MBOAT1: variants seen among roughly 807,000 people sequenced by gnomAD.
The protein encoded by MBOAT1 is membrane bound glycerophospholipid O-acyltransferase 1, also known as membrane-bound glycerophospholipid O-acyltransferase 1.
A neutral mutation model predicts 64.4 loss-of-function variants in MBOAT1; 67 were observed. The ratio of observed to expected loss-of-function variants is 1.04; its 90% CI spans 0.85 to 1.27. The LOEUF (loss-of-function observed/expected upper bound fraction) is 1.27, where lower values mean the gene tolerates loss of function less well. MBOAT1 is among the 50% of genes most tolerant of loss of function. The probability of loss-of-function intolerance (pLI) is 0.00; values close to 1 mark genes in which losing one functional copy is unlikely to be tolerated. For missense variants in MBOAT1, 563 were observed against 604.6 expected, an observed-to-expected ratio of 0.93 and a Z score of 0.72; for synonymous variants, 229 against 218.9, an observed-to-expected ratio of 1.05 and a Z score of -0.41.
intron 1 of MBOAT1, among the ~76,000 whole-genome samples, chr6:20,178,828 A>G (rs1227417103): frequency 2.6e-5 from 4 of 152,204 alleles, no homozygotes; most frequent in African/African-American, 9.7e-5. Flanking sequence ...GAGACGATTC[A>G]TCTAGTCCCT....
intron 1 of MBOAT1, among the ~76,000 whole-genome samples, chr6:20,177,784 AAAAAAAAC>A (rs1561777385): frequency 2.1e-5 from 3 of 145,612 alleles, no homozygotes; most frequent in Admixed American, 7.1e-5. Context: ...AAAAAAAAAA[AAAAAAAAC>A]AAAAAACTTG....
At chr6:20,174,573 G>A (rs1365161480) in intron 1 of MBOAT1, among the ~76,000 whole-genome samples, 1 of 152,182 alleles carries the variant, frequency 6.6e-6, no homozygotes, top group African/African-American at 2.4e-5. Flanking sequence ...TGAGAGGGTG[G>A]TGAGCCTAGG....
intron 1 of MBOAT1, among the ~76,000 whole-genome samples, chr6:20,210,940 T>TGGG (rs57810078): frequency 3.3e-5 from 5 of 152,070 alleles, no homozygotes; most frequent in African/African-American, 1.2e-4. Context: ...CGCCTCTGCC[T>TGGG]GGGTCCCTGG....
chr6:20,192,995 C>CTTTCTTTTTT, intron 1 of MBOAT1, among the ~76,000 whole-genome samples: 1 of 55,048 alleles, frequency 1.8e-5, no homozygotes, highest in Non-Finnish European at 3.4e-5. Context: ...GCTATAATTT[C>CTTTCTTTTTT]TTTTTTTTTT....
In MBOAT1 at chr6:20,125,931, A is replaced by G. The variant is rs756524181; in HGVS notation, c.714+586T>C. The G allele has an allele frequency of 1.4e-4, 60 of 424,050 alleles. 1 individual carries two copies. Among genetic ancestry groups the G allele is most frequent in the South Asian group, 1.0e-3 (58 of 57,726 alleles). 26.3% of individuals were successfully genotyped at this position (424,050 alleles called of 1,614,324 possible). On this transcript the variant is annotated intron_variant, in intron 7 of 12. Transcript: ENST00000324607. ...CTTAAATATAGGATATTTGACCTGA[A>G]TAAATTGAGCATATTTGTAAAGTTC...
intron 12 of MBOAT1, among the ~76,000 whole-genome samples, chr6:20,106,558 G>A (rs1184069891): frequency 6.6e-6 from 1 of 152,110 alleles, no homozygotes; most frequent in Non-Finnish European, 1.5e-5. Context: ...GAGTAGCTGG[G>A]ACTACAGGCA....
intron 1 of MBOAT1, among the ~76,000 whole-genome samples, chr6:20,199,034 T>C (rs1286878447): frequency 2.0e-5 from 3 of 152,330 alleles, no homozygotes; most frequent in Non-Finnish European, 4.4e-5. Context: ...AATGTTCGAA[T>C]CCTCTTCAAA....
Position 20,204,727 on chromosome 6 carries a change from G to C in MBOAT1, c.99+7409C>G, listed in dbSNP as rs139700392. Among the ~76,000 whole-genome samples the C allele has an allele frequency of 1.3e-3, 196 of 152,310 alleles. No homozygotes were observed. In the Middle Eastern group the frequency reaches 0.014, roughly 11 times the overall value. On this transcript the variant is annotated intron_variant, in intron 1 of 12. Transcript: ENST00000324607. ...AAAGACACACTGTGTTTGAGGGATA[G>C]GAAGTAAAGAGTTCACTGTGCTGAA...
intron 1 of MBOAT1, among the ~76,000 whole-genome samples, chr6:20,200,861 C>T (rs758008063): frequency 1.3e-5 from 2 of 152,114 alleles, no homozygotes; most frequent in Non-Finnish European, 2.9e-5. Flanking sequence ...GCTGCTTGAA[C>T]CTTGAAGGGT....
chr6:20,152,816 T>C (rs768002249), intron 1 of MBOAT1, 47 bp from the exon 2 acceptor site: 29 of 1,552,336 alleles, frequency 1.9e-5, no homozygotes, highest in Admixed American at 5.6e-5. Context: ...GAATTTCGTC[T>C]TGGTTTTTTT....
intron 1 of MBOAT1, among the ~76,000 whole-genome samples, chr6:20,202,711 T>A (rs1350457158): frequency 6.6e-6 from 1 of 152,200 alleles, no homozygotes; most frequent in African/African-American, 2.4e-5. Flanking sequence ...AGTTATCTTT[T>A]AATAAAGCAC....
intron 1 of MBOAT1, among the ~76,000 whole-genome samples, chr6:20,169,996 A>G (rs1267792778): frequency 6.6e-6 from 1 of 152,154 alleles, no homozygotes; most frequent in African/African-American, 2.4e-5. Flanking sequence ...ATCTCTTGGC[A>G]GCCTCTGACA....
chr6:20,212,097 T>G, intron 1 of MBOAT1, 39 bp downstream of exon 1: 1 of 1,589,398 alleles, frequency 6.3e-7, no homozygotes, highest in Non-Finnish European at 8.6e-7. Flanking sequence ...ACGCGATCGC[T>G]GGGGAGCTGG....
At chr6:20,120,006 C>CCT (rs1554116218) in intron 8 of MBOAT1, among the ~76,000 whole-genome samples, 2 of 150,628 alleles carry the variant, frequency 1.3e-5, no homozygotes, top group African/African-American at 4.9e-5. Context: ...TGTGTGTGTG[C>CCT]GTGTGTGTGT....
At chr6:20,125,824 G>C (rs1657087584) in intron 7 of MBOAT1, 1 of 406,664 alleles carries the variant, frequency 2.5e-6, no homozygotes, top group Admixed American at 3.3e-5. Flanking sequence ...GGCGTTAGCA[G>C]TTTCAAAATG....
chr6:20,206,579 C>G (rs1466952028), intron 1 of MBOAT1, among the ~76,000 whole-genome samples: 6 of 152,234 alleles, frequency 3.9e-5, no homozygotes, highest in Admixed American at 3.3e-4. Context: ...GAGGCATGGG[C>G]TGAGTGCATG....
intron 1 of MBOAT1, among the ~76,000 whole-genome samples, chr6:20,202,351 C>CATTTTGTTTT (rs150150134): frequency 2.6e-5 from 4 of 151,572 alleles, no homozygotes; most frequent in South Asian, 2.1e-4. Flanking sequence ...CCCTGGTTTT[C>CATTTTGTTTT]GTTTTGTTTT....
At chr6:20,207,230 C>G (rs1763290926) in intron 1 of MBOAT1, among the ~76,000 whole-genome samples, 1 of 152,278 alleles carries the variant, frequency 6.6e-6, no homozygotes, top group South Asian at 2.1e-4. Flanking sequence ...TCCGCAAAAC[C>G]CTTGCTTCCT....
chr6:20,109,489 C>T, intron 12 of MBOAT1, 109 bp downstream of exon 12: 1 of 1,329,434 alleles, frequency 7.5e-7, no homozygotes, highest in Non-Finnish European at 1.0e-6. Context: ...CACTGAAGCC[C>T]CAGTTAGAAG....
Sources: gnomAD v4.1 joint callset for allele counts (sites outside exome capture counted in the v4.1 genomes callset) on GRCh38, gnomAD v4.1.1 for gene constraint, MANE v1.5 for transcripts, NCBI Gene and HGNC (gene_info 2026-07-23, HGNC 2026-07-21) for gene names.